The following NUB1 variants were observed in gnomAD, a reference collection of about 807,000 sequenced individuals.
NUB1 encodes negative regulator of ubiquitin like proteins 1, also known as NEDD8 ultimate buster 1.
In NUB1, 41 loss-of-function variants were observed where a neutral mutation model predicts 77.1. The ratio of observed to expected loss-of-function variants is 0.53; its 90% CI spans 0.41 to 0.69. The LOEUF (loss-of-function observed/expected upper bound fraction) is 0.69, where lower values mean the gene tolerates loss of function less well. NUB1 is among the 30% of genes least tolerant of loss of function. The probability of loss-of-function intolerance (pLI) is 0.00; values close to 1 mark genes in which losing one functional copy is unlikely to be tolerated. For synonymous variants in NUB1, 257 were observed against 281.0 expected (o/e 0.91, Z 0.85); for missense variants, 643 against 743.8 (o/e 0.86, Z 1.58).
rs368677716 is a variant in NUB1, at chr7:151,355,779, G to A, written c.427G>A (p.Glu143Lys). ...KKQLQLGKTL[E>K]EQGVAHNVKA... ...TCTGATTTTTATAGGGAAAACCCTT[G>A]AAGAACAAGGCGTGGCTCACAATGT... The change falls in exon 6 of 15, where the codon GAA becomes AAA. Residue 143 changes from glutamate to lysine, a missense_variant. Glu to Lys is a moderately conservative substitution (Grantham distance 56). Coordinates refer to ENST00000568733, the MANE Select transcript of NUB1 (RefSeq NM_001243351.2). The A allele has an allele frequency of 2.5e-6, 4 of 1,594,022 alleles. No individual in the cohort carries two copies. Among genetic ancestry groups the A allele is most frequent in the Admixed American group, 1.8e-5 (1 of 56,278 alleles).
Position 151,361,701 on chromosome 7 carries a change from G to A in NUB1, c.800+1454G>A, listed in dbSNP as rs577667942. Among the ~76,000 whole-genome samples the A allele has an allele frequency of 3.3e-5, 5 of 152,230 alleles. No individual in the cohort carries two copies. The East Asian group carries it at 9.6e-4, about 29-fold the overall frequency. ...TATTTATAGTTTTCCATTGGTCAGTGCCTTTGGGTTCTAAGTGAACAAGTC... is the reference window on the plus strand; with the variant it reads ...TATTTATAGTTTTCCATTGGTCAGTACCTTTGGGTTCTAAGTGAACAAGTC... On this transcript the variant is annotated intron_variant, in intron 8 of 14. Transcript: ENST00000568733.
intron 12 of NUB1, among the ~76,000 whole-genome samples, chr7:151,374,840 C>A (rs2302128): frequency 6.6e-6 from 1 of 151,996 alleles, no homozygotes; most frequent in East Asian, 1.9e-4. Context: ...TCTGCCCTCT[C>A]GGCCCCGCAG....
rs890217186 is a variant in NUB1, at chr7:151,377,374, G to T, written c.*149G>T. On this transcript the variant is annotated 3_prime_UTR_variant, in exon 15 of 15. Coordinates refer to ENST00000568733, the MANE Select transcript of NUB1 (RefSeq NM_001243351.2). Reference sequence around the variant, plus strand: ...GTGGGCAGGGGACAAGTCCAGGAGGGGTCCCAGGGCCTTCATGCGTGGTCT... The same window carrying T: ...GTGGGCAGGGGACAAGTCCAGGAGGTGTCCCAGGGCCTTCATGCGTGGTCT... The T allele has an allele frequency of 3.3e-5, 18 of 545,708 alleles. No homozygotes were observed. The Admixed American group carries it at 6.8e-4, about 21-fold the overall frequency. 33.8% of individuals were successfully genotyped at this position (545,708 alleles called of 1,614,324 possible). A position where few individuals can be genotyped will look rare whatever the true frequency, so the allele number is the denominator to read the frequency against.
intron 3 of NUB1, among the ~76,000 whole-genome samples, chr7:151,350,190 G>A (rs1048333643): frequency 2.6e-5 from 4 of 152,240 alleles, no homozygotes; most frequent in Admixed American, 2.0e-4. Flanking sequence ...TGTACAGAGC[G>A]GAACATGAAA....
At chr7:151,376,035 A>G in intron 13 of NUB1, 92 bp downstream of exon 13, 1 of 817,700 alleles carries the variant, frequency 1.2e-6, no homozygotes, top group Non-Finnish European at 2.1e-6. Context: ...GGACTGGGGG[A>G]GTCCGTGCTG....
rs1412645461 is a variant in NUB1 at position 151,341,818 on chromosome 7, C to T, written c.-31C>T. ...GCCGCTGCCGCATCCGGGCACTCTG[C>T]TGGTCGCGGCGGGAGTGGCGTGGCG... On this transcript the variant is annotated 5_prime_UTR_variant, in exon 1 of 15. Transcript: ENST00000568733. 1.3e-6 allele frequency: 2 copies of T among 1,507,922 alleles called. No homozygotes were observed. Among genetic ancestry groups the T allele is most frequent in the Non-Finnish European group, 1.8e-6 (2 of 1,137,386 alleles). The allele number at this position is 1,507,922 out of a possible 1,614,324, so 93.4% of individuals were successfully genotyped here. A position where few individuals can be genotyped will look rare whatever the true frequency, so the allele number is the denominator to read the frequency against.
At chr7:151,373,127 A>G (rs1203566084) in intron 11 of NUB1, among the ~76,000 whole-genome samples, 2 of 152,138 alleles carry the variant, frequency 1.3e-5, no homozygotes, top group Non-Finnish European at 2.9e-5. Flanking sequence ...GCTGGGCAGG[A>G]GGCAGGATCA....
intron 4 of NUB1, among the ~76,000 whole-genome samples, chr7:151,351,889 G>T (rs1796812383): frequency 1.4e-5 from 2 of 142,604 alleles, no homozygotes; most frequent in Admixed American, 1.5e-4. Flanking sequence ...TGTTTTATCT[G>T]ATTTCAGGCT....
rs1356519474 is a variant in NUB1 at position 151,374,408 on chromosome 7, G to GCGTGAGGCCA, written c.1395+175_1395+184dup. 6 of 931,256 alleles carry GCGTGAGGCCA rather than the reference G, an allele frequency of 6.4e-6. No homozygotes were observed. In the Admixed American group the frequency reaches 8.2e-5, roughly 13 times the overall value. 57.7% of individuals were successfully genotyped at this position (931,256 alleles called of 1,614,324 possible). A position where few individuals can be genotyped will look rare whatever the true frequency, so the allele number is the denominator to read the frequency against. ...CTGGGCTCCAGCCCAGACACAGGCT[G>GCGTGAGGCCA]CGTGAGGCCACGTGAGGCCCCATGC... On this transcript the variant is annotated intron_variant, in intron 12 of 14. Transcript: ENST00000568733.
chr7:151,367,696 G>A (rs1797759576), intron 9 of NUB1, among the ~76,000 whole-genome samples, 165 bp from the exon 10 acceptor site: 1 of 152,182 alleles, frequency 6.6e-6, no homozygotes, highest in African/African-American at 2.4e-5. Flanking sequence ...ACAGGGGATG[G>A]GGAAGAGGGG....
chr7:151,344,213 A>AAAAAAAAAAAAAAAAT (rs1796362491), intron 1 of NUB1, among the ~76,000 whole-genome samples: 1 of 135,904 alleles, frequency 7.4e-6, no homozygotes, highest in South Asian at 2.3e-4. Flanking sequence ...AAAAAAAAAA[A>AAAAAAAAAAAAAAAAT]GTAGATGTGC....
At chr7:151,367,335 A>C (rs1797740150) in intron 9 of NUB1, among the ~76,000 whole-genome samples, 1 of 152,220 alleles carries the variant, frequency 6.6e-6, no homozygotes. Flanking sequence ...ATTTAGCCCA[A>C]AGGAACATGG....
At position 151,377,401 on chromosome 7, in the gene NUB1, G is replaced by A. The variant is rs550388015; in HGVS notation, c.*176G>A. The A allele has an allele frequency of 1.2e-4, 56 of 476,458 alleles. No individual in the cohort carries two copies. The highest frequency in any genetic ancestry group is 8.8e-4 in the South Asian group (26 of 29,586). The allele number at this position is 476,458 out of a possible 1,614,324, so 29.5% of individuals were successfully genotyped here. A position where few individuals can be genotyped will look rare whatever the true frequency, so the allele number is the denominator to read the frequency against. ...TCCCAGGGCCTTCATGCGTGGTCTC[G>A]GGGAAGAAGCTTCCTCTGGCCTGGC... On this transcript the variant is annotated 3_prime_UTR_variant, in exon 15 of 15. Transcript: ENST00000568733.
chr7:151,361,440 C>T (rs1201162614), intron 8 of NUB1, among the ~76,000 whole-genome samples: 1 of 152,202 alleles, frequency 6.6e-6, no homozygotes, highest in Non-Finnish European at 1.5e-5. Flanking sequence ...AAAGATACTC[C>T]AGGCTCATCT....
intron 8 of NUB1, among the ~76,000 whole-genome samples, chr7:151,365,721 G>A (rs1385402240): frequency 2.6e-5 from 4 of 152,168 alleles, no homozygotes; most frequent in African/African-American, 9.7e-5. Flanking sequence ...GTAAAACATG[G>A]TGTATGTGTT....
At chr7:151,362,356 T>C (rs1797420415) in intron 8 of NUB1, among the ~76,000 whole-genome samples, 1 of 152,190 alleles carries the variant, frequency 6.6e-6, no homozygotes, top group Non-Finnish European at 1.5e-5. Flanking sequence ...TCAGCAGTAA[T>C]GTAAGCCAAA....
In NUB1 at chr7:151,377,423, T is replaced by C; in HGVS notation, c.*198T>C. On this transcript the variant is annotated 3_prime_UTR_variant, in exon 15 of 15. Coordinates refer to ENST00000568733, the MANE Select transcript of NUB1 (RefSeq NM_001243351.2). The stretch of plus-strand genomic sequence containing the variant: ...CTCGGGGAAGAAGCTTCCTCTGGCC[T>C]GGCGCAGGCCGTTCCATCTGCCTCC... The C allele has an allele frequency of 2.2e-6, 1 of 449,274 alleles. No individual in the cohort carries two copies. Among genetic ancestry groups the C allele is most frequent in the Non-Finnish European group, 3.9e-6 (1 of 254,184 alleles). The allele number at this position is 449,274 out of a possible 1,614,324, so 27.8% of individuals were successfully genotyped here.
At chr7:151,350,380 C>G (rs1796732501) in intron 3 of NUB1, among the ~76,000 whole-genome samples, 1 of 152,090 alleles carries the variant, frequency 6.6e-6, no homozygotes, top group African/African-American at 2.4e-5. Flanking sequence ...AGGTGCCTTC[C>G]CAGGCACTGG....
intron 1 of NUB1, among the ~76,000 whole-genome samples, chr7:151,342,341 C>T (rs1167504694): frequency 5.3e-5 from 8 of 151,964 alleles, no homozygotes; most frequent in African/African-American, 1.9e-4. Flanking sequence ...TTTCATTTTC[C>T]TAAGAAAAAA....
Sources: gnomAD v4.1 joint callset for allele counts (sites outside exome capture counted in the v4.1 genomes callset) on GRCh38, gnomAD v4.1.1 for gene constraint, MANE v1.5 for transcripts, NCBI Gene and HGNC (gene_info 2026-07-23, HGNC 2026-07-21) for gene names.